Variants in RBFOX3 observed in about 807,000 individuals in gnomAD.
RBFOX3 encodes RNA binding fox-1 homolog 3, also known as RNA binding protein fox-1 homolog 3.
A neutral mutation model predicts 48.7 loss-of-function variants in RBFOX3; 17 were observed. That is an observed-to-expected ratio of 0.35 (90% CI 0.24 to 0.52). The LOEUF is 0.52. RBFOX3 is among the 20% of genes least tolerant of loss of function. RBFOX3 has a pLI of 0.94. For synonymous variants in RBFOX3, 212 were observed against 209.5 expected, an observed-to-expected ratio of 1.01 and a Z score of -0.10; for missense variants, 382 against 497.5, an observed-to-expected ratio of 0.77 and a Z score of 2.21.
chr17:79,430,211 T>C (rs183741764), intron 2 of RBFOX3, among the ~76,000 whole-genome samples: 2 of 152,192 alleles, frequency 1.3e-5, no homozygotes, highest in Non-Finnish European at 2.9e-5. Flanking sequence ...TCGAGAGCCA[T>C]TGTTTTTACA....
rs536477041 is a variant in RBFOX3 at position 79,103,094 on chromosome 17, G to A, written c.507+68C>T. The A allele has an allele frequency of 3.3e-6, 4 of 1,218,324 alleles. No individual in the cohort carries two copies. Among genetic ancestry groups the A allele is most frequent in the Non-Finnish European group, 4.7e-6 (4 of 847,022 alleles). 75.5% of individuals were successfully genotyped at this position (1,218,324 alleles called of 1,614,324 possible). ...GGTGCGGCAGTGGCAGGGCTGGTTG[G>A]TTGGGGGAGCTGGGGGGCAGGTGGG... On this transcript the variant is annotated intron_variant, in intron 8 of 14. Coordinates refer to ENST00000693108, the MANE Select transcript of RBFOX3 (RefSeq NM_001350451.2). This position sits in a 1 kb window ranked among gnomAD's most constrained non-coding sequence, Gnocchi z 6.1.
intron 4 of RBFOX3, among the ~76,000 whole-genome samples, chr17:79,129,342 C>A (rs1440819225): frequency 6.6e-6 from 1 of 152,166 alleles, no homozygotes; most frequent in Non-Finnish European, 1.5e-5. Context: ...GGATCTGAAC[C>A]CAGGCCTGTT....
rs377444179 is a variant in RBFOX3 at position 79,096,638 on chromosome 17, C to T, written c.936+15G>A. The T allele has an allele frequency of 3.2e-4, 486 of 1,523,354 alleles. 4 individuals carry two copies. In the African/African-American group the frequency reaches 5.5e-3, roughly 17 times the overall value. 94.4% of individuals were successfully genotyped at this position (1,523,354 alleles called of 1,614,324 possible). On this transcript the variant is annotated intron_variant, in intron 12 of 14. Coordinates refer to ENST00000693108, the MANE Select transcript of RBFOX3 (RefSeq NM_001350451.2). ...CGCCTGATCCCACCCTCCCTCCCGG[C>T]GGGGCTACACTTACATAAATCTCAG...
At chr17:79,518,081 CCTT>C (rs2085511407) in intron 1 of RBFOX3, among the ~76,000 whole-genome samples, 1 of 152,232 alleles carries the variant, frequency 6.6e-6, no homozygotes, top group South Asian at 2.1e-4. Flanking sequence ...CCCTCCTCCT[CCTT>C]TTCCCCAGGA....
At chr17:79,131,435 C>T (rs1323145690) in intron 4 of RBFOX3, among the ~76,000 whole-genome samples, 1 of 152,206 alleles carries the variant, frequency 6.6e-6, no homozygotes, top group Non-Finnish European at 1.5e-5. Flanking sequence ...ACAGACGCGG[C>T]TGCAAACCCC....
chr17:79,150,063 A>AGGGTGGGGGGAGG (rs1372114656), intron 4 of RBFOX3, among the ~76,000 whole-genome samples: 1 of 12,022 alleles, frequency 8.3e-5, no homozygotes, highest in Non-Finnish European at 1.5e-4. Context: ...ATGGGGGTTG[A>AGGGTGGGGGGAGG]GGGTGGGGGT....
intron 1 of RBFOX3, among the ~76,000 whole-genome samples, chr17:79,560,597 G>A (rs2092146917): frequency 1.3e-5 from 2 of 152,160 alleles, no homozygotes; most frequent in Non-Finnish European, 2.9e-5. Context: ...GGATCATGGG[G>A]TTCAGTGACT....
At chr17:79,590,714 C>T (rs1329854079) in intron 1 of RBFOX3, among the ~76,000 whole-genome samples, 1 of 152,166 alleles carries the variant, frequency 6.6e-6, no homozygotes, top group Admixed American at 6.5e-5. Flanking sequence ...CAGACCTCTT[C>T]CCCTGCCTTC....
chr17:79,092,750 C>T (rs2074201670), intron 14 of RBFOX3: 1 of 551,548 alleles, frequency 1.8e-6, no homozygotes, highest in Non-Finnish European at 2.3e-6. Context: ...AGCCAAGTCT[C>T]GATTTCTTTC....
At chr17:79,099,521 T>G (rs972772320) in intron 9 of RBFOX3, 1 of 152,246 alleles carries the variant, frequency 6.6e-6, no homozygotes, top group Non-Finnish European at 1.5e-5. Flanking sequence ...CTGGAGACCC[T>G]GACCCCAAGC....
chr17:79,273,715 G>C (rs1185749175), intron 3 of RBFOX3, among the ~76,000 whole-genome samples: 1 of 152,170 alleles, frequency 6.6e-6, no homozygotes, highest in Non-Finnish European at 1.5e-5. Flanking sequence ...GTCCGAGCGG[G>C]GCAGGTCCAG....
At chr17:79,383,011 C>T (rs1303489094) in intron 2 of RBFOX3, among the ~76,000 whole-genome samples, 2 of 148,224 alleles carry the variant, frequency 1.3e-5, no homozygotes, top group Non-Finnish European at 3.0e-5. Flanking sequence ...ATTTCCAAAT[C>T]AATCAATCTC....
the RBFOX3 span, among the ~76,000 whole-genome samples, chr17:79,638,740 T>C: frequency 6.6e-6 from 1 of 152,172 alleles, no homozygotes; most frequent in Non-Finnish European, 1.5e-5. Flanking sequence ...CTGTGAAAGC[T>C]GGTTGTTATA....
chr17:79,164,765 C>T (rs912868919), intron 4 of RBFOX3, among the ~76,000 whole-genome samples: 11 of 152,164 alleles, frequency 7.2e-5, no homozygotes, highest in Non-Finnish European at 1.0e-4. Flanking sequence ...GCCCTGATGC[C>T]CCAGAAGCTG....
intron 14 of RBFOX3, among the ~76,000 whole-genome samples, chr17:79,093,486 G>A (rs953091390): frequency 6.6e-6 from 1 of 151,326 alleles, no homozygotes; most frequent in Non-Finnish European, 1.5e-5. Context: ...CACCAGACCC[G>A]CGCCTGTGGC....
intron 2 of RBFOX3, among the ~76,000 whole-genome samples, chr17:79,472,059 C>T (rs886141264): frequency 1.1e-4 from 17 of 152,240 alleles, no homozygotes; most frequent in Non-Finnish European, 2.1e-4. Context: ...GCACAGATGA[C>T]GACGACCGCC....
chr17:79,632,075 G>A, the RBFOX3 span, among the ~76,000 whole-genome samples: 17,201 of 152,252 alleles, frequency 0.11, 2,314 homozygotes, highest in African/African-American at 0.32. Context: ...CCGCGCTGCA[G>A]GAATGTGGGC....
Position 79,103,269 on chromosome 17 carries a change from G to C in RBFOX3, c.415-15C>G. ...AACCCAAAACCCTGTGAGCAGAGGA[G>C]AGGGAAGGACAGGCACGGAGAGGAG... On this transcript the variant is annotated splice_polypyrimidine_tract_variant and intron_variant, in intron 7 of 14. Transcript: ENST00000693108. The surrounding 1 kb of genome is among the most constrained non-coding windows in gnomAD (Gnocchi z 6.1). 6.5e-7 allele frequency: 1 copy of C among 1,541,418 alleles called. No homozygotes were observed. Among genetic ancestry groups the C allele is most frequent in the Non-Finnish European group, 8.8e-7 (1 of 1,137,992 alleles).
intron 2 of RBFOX3, among the ~76,000 whole-genome samples, chr17:79,470,836 C>T (rs75008460): frequency 0.13 from 19,858 of 152,238 alleles, 1,616 homozygotes; most frequent in Middle Eastern, 0.22. Flanking sequence ...GCAACACACG[C>T]CCAGTCCCTC....
Sources: gnomAD v4.1 joint callset for allele counts (sites outside exome capture counted in the v4.1 genomes callset) on GRCh38, gnomAD v4.1.1 for gene constraint, Gnocchi (gnomAD v3.1) non-coding constraint, MANE v1.5 for transcripts, NCBI Gene and HGNC (gene_info 2026-07-23, HGNC 2026-07-21) for gene names.